Variants in CDH7 observed in about 807,000 individuals in gnomAD.
The protein encoded by CDH7 is cadherin-7.
CDH7 carries 25 observed loss-of-function variants against 71.8 expected under a neutral mutation model. That is an observed-to-expected ratio of 0.35 (90% confidence interval 0.25 to 0.49). The LOEUF is 0.49. Ranked by LOEUF, CDH7 falls within the 20% of genes least tolerant of loss-of-function variation. The pLI is 0.99. For missense variants in CDH7, 862 were observed against 974.6 expected (o/e 0.88, Z 1.54); for synonymous variants, 381 against 363.8 (o/e 1.05, Z -0.54).
intron 10 of CDH7, among the ~76,000 whole-genome samples, chr18:65,861,244 G>T (rs531806039): frequency 6.6e-6 from 1 of 152,110 alleles, no homozygotes; most frequent in South Asian, 2.1e-4. Context: ...TTCTTAAGAA[G>T]TCTTCCATAT....
chr18:65,755,548 C>T (rs555264606), intron 1 of CDH7, among the ~76,000 whole-genome samples: 6 of 152,226 alleles, frequency 3.9e-5, no homozygotes, highest in East Asian at 3.9e-4. Flanking sequence ...TGTTGTGGTT[C>T]GAAATGAAGT....
At chr18:65,864,329 G>A (rs1214655821) in intron 11 of CDH7, among the ~76,000 whole-genome samples, 3 of 151,864 alleles carry the variant, frequency 2.0e-5, no homozygotes, top group Non-Finnish European at 2.9e-5. Context: ...AATGTGGCCC[G>A]ACACAAATTC....
chr18:65,880,786 C>G lies in CDH7; in HGVS notation c.2250C>G (p.Ser750=). Residue 750 remains serine (S), a synonymous_variant, in exon 12 of 12, where the codon TCC becomes TCG. Coordinates refer to ENST00000397968, the MANE Select transcript of CDH7 (RefSeq NM_004361.5). ...SVAESLSSLD[S]ISSNSDQNYD... ...CTGAATCACTCAGCTCTTTAGATTC[C>G]ATCAGCTCAAACTCTGATCAGAACT... 1 of 1,614,062 alleles carries G rather than the reference C, an allele frequency of 6.2e-7. No homozygotes were observed. The highest frequency in any genetic ancestry group is 1.3e-5 in the African/African-American group (1 of 75,012).
intron 6 of CDH7, among the ~76,000 whole-genome samples, chr18:65,830,593 C>T (rs950015145): frequency 1.9e-5 from 2 of 103,700 alleles, no homozygotes; most frequent in African/African-American, 6.3e-5. Flanking sequence ...TCTCTCCTTC[C>T]CTCCCCCCTT....
intron 11 of CDH7, chr18:65,866,297 T>G (rs1265161987): frequency 9.2e-4 from 1 of 1,088 alleles, no homozygotes; most frequent in Non-Finnish European, 1.8e-3. Flanking sequence ...AGACTCCGTC[T>G]CAAAAAAAAA....
At chr18:65,865,365 G>GTA (rs1380500321) in intron 11 of CDH7, 2 of 152,096 alleles carry the variant, frequency 1.3e-5, no homozygotes, top group Non-Finnish European at 2.9e-5. Flanking sequence ...CAAAATTTAA[G>GTA]TATGGCTACT....
chr18:65,773,256 A>C (rs1916597814), intron 2 of CDH7, among the ~76,000 whole-genome samples: 1 of 152,296 alleles, frequency 6.6e-6, no homozygotes, highest in African/African-American at 2.4e-5. Context: ...AAGACACATA[A>C]ATCACAGGTA....
chr18:65,782,162 CTTCCTTTCTT>C lies in CDH7; in HGVS notation c.210+19112_210+19121del, dbSNP rs1568182724. ...TCTTTCTTTCTTTCTTTCTTTCTTT[CTTCCTTTCTT>C]TCTTTCTTTCTTTCTTGACAGAGTC... On this transcript the variant is annotated intron_variant, in intron 2 of 11. Transcript: ENST00000397968. Among the ~76,000 whole-genome samples, 204 of 106,474 alleles carry C rather than the reference CTTCCTTTCTT, an allele frequency of 1.9e-3. 18 individuals carry two copies. The highest frequency in any genetic ancestry group is 9.2e-3 in the African/African-American group (189 of 20,496). 69.9% of individuals were successfully genotyped at this position (106,474 alleles called of 152,430 possible). A position where few individuals can be genotyped will look rare whatever the true frequency, so the allele number is the denominator to read the frequency against.
chr18:65,885,294 C>T lies in CDH7; in HGVS notation c.*4400C>T, dbSNP rs2144082251. 1 of 144,710 alleles carries T rather than the reference C, an allele frequency of 6.9e-6. No individual in the cohort carries two copies. Among genetic ancestry groups the T allele is most frequent in the African/African-American group, 2.5e-5 (1 of 39,902 alleles). The allele number at this position is 144,710 out of a possible 1,614,324, so 9.0% of individuals were successfully genotyped here. ...CAAGCAAATCAAGACAGGCAGTGTG[C>T]GTTGCATTCTGACACTTTTTCATTG... On this transcript the variant is annotated 3_prime_UTR_variant, in exon 12 of 12. Coordinates refer to ENST00000397968, the MANE Select transcript of CDH7 (RefSeq NM_004361.5).
chr18:65,816,022 G>A (rs551900316), intron 4 of CDH7, among the ~76,000 whole-genome samples: 1 of 152,242 alleles, frequency 6.6e-6, no homozygotes, highest in East Asian at 1.9e-4. Context: ...TTTTGGCTTT[G>A]CTGCAAAATA....
intron 2 of CDH7, among the ~76,000 whole-genome samples, chr18:65,799,840 G>A (rs757795805): frequency 1.3e-5 from 2 of 151,990 alleles, no homozygotes; most frequent in African/African-American, 4.8e-5. Context: ...AAAGGAAATT[G>A]TTTGCCCTCT....
chr18:65,856,871 G>A (rs776923408), intron 7 of CDH7, among the ~76,000 whole-genome samples: 8 of 152,046 alleles, frequency 5.3e-5, no homozygotes, highest in Non-Finnish European at 1.2e-4. Context: ...TACAAGTGGA[G>A]TAGTAATTTT....
chr18:65,850,695 AT>A (rs1913119262), intron 7 of CDH7, among the ~76,000 whole-genome samples: 1 of 151,936 alleles, frequency 6.6e-6, no homozygotes, highest in Non-Finnish European at 1.5e-5. Context: ...TGCATATGAG[AT>A]TTGAAAAAGT....
intron 2 of CDH7, among the ~76,000 whole-genome samples, chr18:65,798,329 G>A (rs377476329): frequency 6.6e-6 from 1 of 152,186 alleles, no homozygotes; most frequent in African/African-American, 2.4e-5. Flanking sequence ...TTGCTTCAGT[G>A]GCTTCTTCTT....
intron 11 of CDH7, among the ~76,000 whole-genome samples, chr18:65,876,078 G>T (rs1203531136): frequency 6.6e-6 from 1 of 152,226 alleles, no homozygotes; most frequent in South Asian, 2.1e-4. Flanking sequence ...CTGCGCCTGT[G>T]CATGTCTGTA....
At chr18:65,838,548 GA>G (rs796087410) in intron 6 of CDH7, among the ~76,000 whole-genome samples, 2 of 152,250 alleles carry the variant, frequency 1.3e-5, no homozygotes, top group African/African-American at 4.8e-5. Context: ...AAAGAGAACA[GA>G]ATGGAGAAAT....
intron 11 of CDH7, among the ~76,000 whole-genome samples, chr18:65,874,851 AC>A (rs1399165690): frequency 6.6e-6 from 1 of 152,066 alleles, no homozygotes; most frequent in Non-Finnish European, 1.5e-5. Flanking sequence ...GGGTGCCAAA[AC>A]TGAATATTGA....
chr18:65,778,825 A>G (rs1910064908), intron 2 of CDH7, among the ~76,000 whole-genome samples: 1 of 151,900 alleles, frequency 6.6e-6, no homozygotes, highest in Non-Finnish European at 1.5e-5. Flanking sequence ...GCACGTCCCC[A>G]CAAAACACAC....
intron 2 of CDH7, among the ~76,000 whole-genome samples, chr18:65,771,559 C>T (rs568189161): frequency 1.8e-4 from 28 of 151,706 alleles, no homozygotes; most frequent in Middle Eastern, 3.4e-3. Context: ...TGTTGTAATC[C>T]CAGCTACTTG....
Sources: allele counts gnomAD v4.1 joint callset (sites outside exome capture counted in the v4.1 genomes callset), GRCh38; gene constraint gnomAD v4.1.1; transcripts MANE v1.5; gene names NCBI Gene and HGNC (gene_info 2026-07-23, HGNC 2026-07-21).